The following ADD2 variants were observed in gnomAD, a reference collection of about 807,000 sequenced individuals.
ADD2 encodes beta-adducin.
ADD2 carries 23 observed loss-of-function variants against 83.0 expected under a neutral mutation model. The ratio of observed to expected loss-of-function variants is 0.28; its 90% CI spans 0.20 to 0.39. The LOEUF is 0.39. Ranked by LOEUF, ADD2 falls within the 10% of genes least tolerant of loss-of-function variation. ADD2 has a pLI of 1.00. For missense variants in ADD2, 758 were observed against 944.9 expected, an observed-to-expected ratio of 0.80 and a Z score of 2.59; for synonymous variants, 375 against 375.4, an observed-to-expected ratio of 1.00 and a Z score of 0.01.
chr2:70,721,839 C>G (rs575561973), intron 1 of ADD2, among the ~76,000 whole-genome samples: 2 of 152,312 alleles, frequency 1.3e-5, no homozygotes, highest in Non-Finnish European at 2.9e-5. Flanking sequence ...TTATAGAAAA[C>G]TTAAAATTCA....
chr2:70,707,303 A>G (rs1553374709), intron 2 of ADD2, among the ~76,000 whole-genome samples: 2 of 152,252 alleles, frequency 1.3e-5, no homozygotes, highest in East Asian at 3.8e-4. Context: ...AGAAACAACA[A>G]CTAAATATGG....
At chr2:70,711,003 C>G (rs534329894) in intron 2 of ADD2, 1 of 152,174 alleles carries the variant, frequency 6.6e-6, no homozygotes, top group Non-Finnish European at 1.5e-5. Context: ...GTGTTTTAGT[C>G]TAAAAAACTA....
intron 2 of ADD2, among the ~76,000 whole-genome samples, chr2:70,711,527 C>T (rs1553375460): frequency 6.6e-6 from 1 of 152,028 alleles, no homozygotes; most frequent in Non-Finnish European, 1.5e-5. Context: ...GTAACAAATG[C>T]CCCTTGATTT....
chr2:70,698,840 AAC>A lies in ADD2; in HGVS notation c.323-2446_323-2445del, dbSNP rs201085805. ...GCCATTTAGTCAAAGTACCTAAGAA[AAC>A]ACAGAAAAAGATGAAAACTCACCAT... On this transcript the variant is annotated intron_variant, in intron 4 of 15. Transcript: ENST00000264436. Among the ~76,000 whole-genome samples, 1,476 of 152,246 alleles carry A rather than the reference AAC, an allele frequency of 9.7e-3. 23 individuals carry two copies. Among genetic ancestry groups the A allele is most frequent in the African/African-American group, 0.032 (1,315 of 41,540 alleles).
intron 4 of ADD2, among the ~76,000 whole-genome samples, chr2:70,703,169 G>C (rs1391517428): frequency 5.6e-5 from 8 of 141,898 alleles, no homozygotes; most frequent in Admixed American, 5.0e-4. Flanking sequence ...AGAAAAGAAA[G>C]AAAAGAAAAA....
intron 11 of ADD2, among the ~76,000 whole-genome samples, chr2:70,678,150 A>T (rs1161326717): frequency 2.6e-5 from 4 of 152,226 alleles, no homozygotes; most frequent in Admixed American, 2.6e-4. Flanking sequence ...ACCAGCTTTG[A>T]TACACAGGCA....
intron 14 of ADD2, among the ~76,000 whole-genome samples, chr2:70,674,140 G>A (rs11883642): frequency 0.03 from 4,522 of 152,240 alleles, 93 homozygotes; most frequent in Admixed American, 0.06. Context: ...AGAGGAAGCC[G>A]GGACTGATCA....
chr2:70,767,526 G>A (rs1276575266), intron 1 of ADD2: 14 of 525,378 alleles, frequency 2.7e-5, no homozygotes, highest in Non-Finnish European at 3.1e-5. Context: ...GGAGGGAGGG[G>A]AGGGGAGGAG....
In ADD2 at chr2:70,705,580, GCCCA is replaced by G. The variant is rs779148138; in HGVS notation, c.183+642_183+645del. On this transcript the variant is annotated intron_variant, in intron 3 of 15. Coordinates refer to ENST00000264436, the MANE Select transcript of ADD2 (RefSeq NM_001617.4). Reference sequence around the variant, plus strand: ...CCCTCTGCCTTCAGTGGTCCACAGGGCCCACCCTTCGGCCTTCTCAAGGCACTAC... The same window carrying G: ...CCCTCTGCCTTCAGTGGTCCACAGGGCCCTTCGGCCTTCTCAAGGCACTAC... 9.8e-4 allele frequency among the ~76,000 whole-genome samples: 150 copies of G among 152,304 alleles called. No homozygotes were observed. In the Middle Eastern group the frequency reaches 0.014, roughly 14 times the overall value.
At chr2:70,740,604 T>G (rs74917978) in intron 1 of ADD2, among the ~76,000 whole-genome samples, 3,018 of 150,312 alleles carry the variant, frequency 0.02, 51 homozygotes, top group Middle Eastern at 0.028. Context: ...GATGGCAGAG[T>G]TTTTGTTGTC....
chr2:70,739,915 T>C (rs1673792938), intron 1 of ADD2, among the ~76,000 whole-genome samples: 3 of 152,168 alleles, frequency 2.0e-5, no homozygotes, highest in Non-Finnish European at 4.4e-5. Flanking sequence ...AAATAACTAC[T>C]GCATACTAGG....
At chr2:70,720,461 G>T (rs1574286524) in intron 1 of ADD2, among the ~76,000 whole-genome samples, 1 of 152,268 alleles carries the variant, frequency 6.6e-6, no homozygotes, top group East Asian at 1.9e-4. Flanking sequence ...TAGGAGAGAT[G>T]TTGTTCGACT....
chr2:70,674,759 G>T lies in ADD2; in HGVS notation c.1660C>A (p.Pro554Thr), dbSNP rs1670050691. ...TCAGTGAGTTGGCTGAAGGGGTTGG[G>T]CACCGTCTCCTCTGAATCGTCTTTG... The part of the protein sequence containing the change: ...DTKDDSEETV[P>T]NPFSQLTDQE... The change falls in exon 14 of 16, where the codon CCC becomes ACC. Residue 554 changes from proline (P) to threonine (T), a missense_variant. By Grantham distance (38) the Pro-to-Thr change is conservative (BLOSUM62 -1). Around this residue, in one of 5 missense-constraint regions of ADD2, gnomAD observed 14 missense variants for 36.2 expected, o/e 0.39. Coordinates refer to ENST00000264436, the MANE Select transcript of ADD2 (RefSeq NM_001617.4). 6.2e-7 allele frequency: 1 copy of T among 1,614,082 alleles called. No homozygotes were observed. The highest frequency in any genetic ancestry group is 1.3e-5 in the African/African-American group (1 of 75,020).
At position 70,663,415 on chromosome 2, in the gene ADD2, G is replaced by T. The variant is rs781788933; in HGVS notation, c.*10C>A. 2 of 1,608,594 alleles carry T rather than the reference G, an allele frequency of 1.2e-6. No homozygotes were observed. The highest frequency in any genetic ancestry group is 4.5e-5 in the East Asian group (2 of 44,864). Reference sequence around the variant, plus strand: ...AGAGGAGGCAGGAGGGAGCCCAAGGGTGTCATGAATCAGGACTCCACTTTC... The same window carrying T: ...AGAGGAGGCAGGAGGGAGCCCAAGGTTGTCATGAATCAGGACTCCACTTTC... On this transcript the variant is annotated 3_prime_UTR_variant, in exon 16 of 16. Transcript: ENST00000264436.
chr2:70,671,022 C>A (rs545541877), intron 15 of ADD2, among the ~76,000 whole-genome samples: 2 of 152,206 alleles, frequency 1.3e-5, no homozygotes, highest in African/African-American at 2.4e-5. Flanking sequence ...GCATGCCCTT[C>A]CTGGCCCTTG....
chr2:70,667,176 A>G (rs1417671675), intron 15 of ADD2, among the ~76,000 whole-genome samples: 4 of 152,012 alleles, frequency 2.6e-5, no homozygotes, highest in Non-Finnish European at 5.9e-5. Context: ...GAATGGTGGG[A>G]ACCTGGAGCT....
chr2:70,664,967 C>T (rs1010203081), intron 15 of ADD2, among the ~76,000 whole-genome samples: 4 of 145,604 alleles, frequency 2.7e-5, no homozygotes, highest in Non-Finnish European at 1.5e-5. Flanking sequence ...TGAGCATATG[C>T]GAGGGTGTGA....
intron 1 of ADD2, among the ~76,000 whole-genome samples, chr2:70,751,202 T>C (rs557218288): frequency 6.6e-6 from 1 of 152,308 alleles, no homozygotes; most frequent in Admixed American, 6.5e-5. Flanking sequence ...CCCTTCCACT[T>C]TGACACTCTG....
At chr2:70,722,679 C>T (rs562449000) in intron 1 of ADD2, among the ~76,000 whole-genome samples, 1 of 151,540 alleles carries the variant, frequency 6.6e-6, no homozygotes, top group South Asian at 2.1e-4. Flanking sequence ...AGCCCCCAAA[C>T]AGGTTTTCAC....
Sources: allele counts gnomAD v4.1 joint callset (sites outside exome capture counted in the v4.1 genomes callset), GRCh38; gene constraint gnomAD v4.1.1; regional missense constraint gnomAD v4.1.1; transcripts MANE v1.5; gene names NCBI Gene and HGNC (gene_info 2026-07-23, HGNC 2026-07-21).